The following ZNF510 variants were observed in gnomAD, a reference collection of about 807,000 sequenced individuals.
ZNF510 encodes zinc finger protein 510.
A neutral mutation model predicts 18.1 loss-of-function variants in ZNF510; 15 were observed. The ratio of observed to expected loss-of-function variants is 0.83; its 90% CI spans 0.55 to 1.28. The LOEUF (loss-of-function observed/expected upper bound fraction) is 1.28, where lower values mean the gene tolerates loss of function less well. Ranked by LOEUF, ZNF510 falls within the 50% of genes most tolerant of loss-of-function variation. ZNF510 has a pLI of 0.00. For missense variants in ZNF510, 724 were observed against 791.8 expected (o/e 0.91, Z 1.03); for synonymous variants, 261 against 266.4 (o/e 0.98, Z 0.20).
chr9:96,760,409 T>C lies in ZNF510; in HGVS notation c.421A>G (p.Ile141Val), dbSNP rs370250495. Residue 141 changes from isoleucine to valine, a missense_variant, in exon 6 of 6, where the codon ATA becomes GTA. Physicochemically the swap from Ile to Val is conservative, Grantham distance 29. Coordinates refer to ENST00000223428, the MANE Select transcript of ZNF510 (RefSeq NM_014930.3). ...GTCAATGTTTTATTATTGATACATA[T>C]TGCTTGCTCCAAGTGTTTGTCTTTG... ...KIKDKHLEQA[I>V]CINNKTLTTE... 117 of 1,613,508 alleles carry C rather than the reference T, an allele frequency of 7.3e-5. No individual in the cohort carries two copies. The highest frequency in any genetic ancestry group is 9.2e-5 in the Non-Finnish European group (108 of 1,179,774).
intron 1 of ZNF510, among the ~76,000 whole-genome samples, chr9:96,776,539 C>T (rs2118085456): frequency 6.6e-6 from 1 of 152,304 alleles, no homozygotes; most frequent in African/African-American, 2.4e-5. Context: ...CTGTGGGAGG[C>T]CAAGGCAGGT....
Position 96,774,769 on chromosome 9 carries a change from G to GTATT in ZNF510, c.129+15_129+18dup. The GTATT allele has an allele frequency of 6.2e-7, 1 of 1,605,268 alleles. No individual in the cohort carries two copies. ...ACCTATGAAATCCATGATGAAAAAG[G>GTATT]TATTAGTAATTAACTCACCTGAGAT... On this transcript the variant is annotated intron_variant, in intron 3 of 5. Transcript: ENST00000223428.
At chr9:96,763,376 T>C (rs1457977679) in intron 4 of ZNF510, 130 bp downstream of exon 4, 1 of 1,333,634 alleles carries the variant, frequency 7.5e-7, no homozygotes, top group East Asian at 2.3e-5. Flanking sequence ...CAGGGCATAG[T>C]TACTTTGGAA....
At chr9:96,765,256 G>A (rs993881110) in intron 3 of ZNF510, among the ~76,000 whole-genome samples, 10 of 152,064 alleles carry the variant, frequency 6.6e-5, no homozygotes, top group African/African-American at 1.2e-4. Context: ...TATTATTCAC[G>A]GATTACGTAT....
rs955115594 is a variant in ZNF510, at chr9:96,756,823, CAGAG to C, written c.*1951_*1954del. On this transcript the variant is annotated 3_prime_UTR_variant, in exon 6 of 6. Transcript: ENST00000223428. ...TTTCAACCCACAAAATCACCAGTCA[CAGAG>C]AGAGACTTGAAGCCCAAAATGATCA... The C allele has an allele frequency of 7.9e-5, 12 of 152,242 alleles. No individual in the cohort carries two copies. The highest frequency in any genetic ancestry group is 2.7e-4 in the African/African-American group (11 of 41,452). The allele number at this position is 152,242 out of a possible 1,614,324, so 9.4% of individuals were successfully genotyped here. A position where few individuals can be genotyped will look rare whatever the true frequency, so the allele number is the denominator to read the frequency against.
rs1365351417 is a variant in ZNF510 at position 96,755,962 on chromosome 9, A to T, written c.*2816T>A. The T allele has an allele frequency of 6.6e-6, 1 of 152,108 alleles. No individual in the cohort carries two copies. The highest frequency in any genetic ancestry group is 2.1e-4 in the South Asian group (1 of 4,826). The allele number at this position is 152,108 out of a possible 1,614,324, so 9.4% of individuals were successfully genotyped here. On this transcript the variant is annotated 3_prime_UTR_variant, in exon 6 of 6. Transcript: ENST00000223428. ...AGTGTCACATGGGTGATTTTTTGCC[A>T]TACCAGTAAAATGATGGATCCAGGT... is the stretch of plus-strand genomic sequence containing the variant.
At chr9:96,768,314 G>T (rs1849518237) in intron 3 of ZNF510, among the ~76,000 whole-genome samples, 2 of 152,164 alleles carry the variant, frequency 1.3e-5, no homozygotes, top group African/African-American at 4.8e-5. Flanking sequence ...ATAAGACAGG[G>T]ATGCCTGCTT....
chr9:96,759,223 C>G lies in ZNF510; in HGVS notation c.1607G>C (p.Arg536Thr). Residue 536 changes from arginine to threonine, a missense_variant, in exon 6 of 6, where the codon AGA (arginine) becomes ACA (threonine). Transcript: ENST00000223428. ...GQKSNLRIHQ[R>T]THTGEKTYQC... ...GTAAGTTTTCTCCCCAGTGTGAGTTCTCTGATGTATTCTGAGGTTTGACTT... is the reference window on the plus strand; with the variant it reads ...GTAAGTTTTCTCCCCAGTGTGAGTTGTCTGATGTATTCTGAGGTTTGACTT... 6.2e-7 allele frequency: 1 copy of G among 1,613,972 alleles called. No individual in the cohort carries two copies. Among genetic ancestry groups the G allele is most frequent in the Non-Finnish European group, 8.5e-7 (1 of 1,179,988 alleles).
intron 3 of ZNF510, among the ~76,000 whole-genome samples, chr9:96,771,766 A>C (rs1849589835): frequency 6.6e-6 from 1 of 152,192 alleles, no homozygotes; most frequent in African/African-American, 2.4e-5. Context: ...TAAAATGCCT[A>C]GGTATAAGAT....
chr9:96,761,407 TA>T (rs1849344381), intron 5 of ZNF510, among the ~76,000 whole-genome samples: 1 of 152,236 alleles, frequency 6.6e-6, no homozygotes, highest in African/African-American at 2.4e-5. Flanking sequence ...ACTTCTCGCT[TA>T]CCTCTTAACA....
intron 2 of ZNF510, among the ~76,000 whole-genome samples, chr9:96,775,336 A>G (rs940657408): frequency 6.6e-6 from 1 of 152,174 alleles, no homozygotes; most frequent in Non-Finnish European, 1.5e-5. Context: ...CTGGGATTGC[A>G]GGGGTGAGCC....
At chr9:96,775,955 C>T in intron 2 of ZNF510, 45 bp downstream of exon 2, 13 of 1,578,542 alleles carry the variant, frequency 8.2e-6, no homozygotes, top group South Asian at 1.2e-5. Flanking sequence ...TGTGGCTTTT[C>T]CTGTGCAGTC....
chr9:96,765,400 A>G (rs141258124), intron 3 of ZNF510, among the ~76,000 whole-genome samples: 22 of 152,312 alleles, frequency 1.4e-4, no homozygotes, highest in South Asian at 2.1e-4. Context: ...GATGAGGCTC[A>G]ACAAGGTGAT....
intron 4 of ZNF510, 56 bp downstream of exon 4, chr9:96,763,450 A>G: frequency 6.5e-7 from 1 of 1,540,900 alleles, no homozygotes; most frequent in Non-Finnish European, 8.7e-7. Context: ...TTGGCACTTA[A>G]AAAAGAAATA....
In ZNF510 at chr9:96,755,485, C is replaced by T. The variant is rs768174400; in HGVS notation, c.*3293G>A. Among the ~76,000 whole-genome samples, 6 of 152,144 alleles carry T rather than the reference C, an allele frequency of 3.9e-5. No individual in the cohort carries two copies. Among genetic ancestry groups the T allele is most frequent in the Non-Finnish European group, 5.9e-5 (4 of 68,024 alleles). Reference sequence around the variant, plus strand: ...GGGTAACCTTATGCTCTCCTATTGTCAATGCATTTTCTTGGTAAGGCTGCT... The same window carrying T: ...GGGTAACCTTATGCTCTCCTATTGTTAATGCATTTTCTTGGTAAGGCTGCT... On this transcript the variant is annotated 3_prime_UTR_variant, in exon 6 of 6. Transcript: ENST00000223428.
Position 96,759,365 on chromosome 9 carries a change from C to T in ZNF510, c.1465G>A (p.Glu489Lys), listed in dbSNP as rs1394390023. The change falls in exon 6 of 6, where the codon GAA becomes AAA. Residue 489 changes from glutamate to lysine, a missense_variant. Transcript: ENST00000223428. ...AAAGTTTTCCCACATTCACTACATT[C>T]ATAGGGTTTTTCTCCTGTGTGAATT... The part of the protein sequence containing the change: ...QRIHTGEKPY[E>K]CSECGKTFVQ... 7 of 1,614,052 alleles carry T rather than the reference C, an allele frequency of 4.3e-6. No homozygotes were observed. Among genetic ancestry groups the T allele is most frequent in the Non-Finnish European group, 5.9e-6 (7 of 1,179,996 alleles).
rs16911528 is a variant in ZNF510 at position 96,760,831 on chromosome 9, T to C, written c.353-354A>G. On this transcript the variant is annotated intron_variant, in intron 5 of 5. Coordinates refer to ENST00000223428, the MANE Select transcript of ZNF510 (RefSeq NM_014930.3). ...AATGGGATAAATACAACAAAAACTCTAAATGTAAGTAGTATAACAAGGAAA... is the reference window on the plus strand; with the variant it reads ...AATGGGATAAATACAACAAAAACTCCAAATGTAAGTAGTATAACAAGGAAA... Among the ~76,000 whole-genome samples, 289 of 152,248 alleles carry C rather than the reference T, an allele frequency of 1.9e-3. 1 individual carries two copies. The highest frequency in any genetic ancestry group is 4.0e-3 in the Admixed American group (61 of 15,284).
chr9:96,759,738 C>CT lies in ZNF510; in HGVS notation c.1091_1092insA (p.Val365GlyfsTer3), dbSNP rs762796420. ...AAGTCTGTGTTCTGTCATTACTTAC[C>CT]AATGGGTTCTCTTCTATGACAGCTG... On this transcript the variant is annotated frameshift_variant, in exon 6 of 6. Transcript: ENST00000223428. LOFTEE classifies it low-confidence loss of function (END_TRUNC). The CT allele has an allele frequency of 4.3e-6, 7 of 1,613,930 alleles. No individual in the cohort carries two copies. In the Admixed American group the frequency reaches 1.2e-4, roughly 27 times the overall value.
chr9:96,776,971 G>A (rs545084168), intron 1 of ZNF510, among the ~76,000 whole-genome samples: 1 of 152,290 alleles, frequency 6.6e-6, no homozygotes, highest in South Asian at 2.1e-4. Context: ...AGGACCACAT[G>A]TTGAAATAAC....
Sources: gnomAD v4.1 joint callset for allele counts (sites outside exome capture counted in the v4.1 genomes callset) on GRCh38, gnomAD v4.1.1 for gene constraint, MANE v1.5 for transcripts, NCBI Gene and HGNC (gene_info 2026-07-23, HGNC 2026-07-21) for gene names.